ZBTB46: variants seen among roughly 807,000 people sequenced by gnomAD.
ZBTB46 encodes zinc finger and BTB domain containing 46.
ZBTB46 carries 8 observed loss-of-function variants against 44.1 expected under a neutral mutation model. That is an observed-to-expected ratio of 0.18 (90% CI 0.11 to 0.33). ZBTB46 has a LOEUF of 0.33. Ranked by LOEUF, ZBTB46 falls within the 10% of genes least tolerant of loss-of-function variation. The pLI is 1.00. For missense variants in ZBTB46, 651 were observed against 847.7 expected (o/e 0.77, Z 2.88); for synonymous variants, 409 against 382.3 (o/e 1.07, Z -0.81).
At chr20:63,781,984 G>A (rs537493095) in intron 2 of ZBTB46, among the ~76,000 whole-genome samples, 200 of 151,540 alleles carry the variant, frequency 1.3e-3, no homozygotes, top group African/African-American at 4.6e-3. Context: ...CTACTCAGGA[G>A]GCTGAGGCAG....
intron 1 of ZBTB46, among the ~76,000 whole-genome samples, chr20:63,797,754 T>C (rs1257879592): frequency 6.6e-6 from 1 of 152,260 alleles, no homozygotes; most frequent in African/African-American, 2.4e-5. Flanking sequence ...TCACGGCCAG[T>C]GATGATGAGC....
intron 1 of ZBTB46, among the ~76,000 whole-genome samples, chr20:63,815,849 AGTGCAG>A (rs1367923440): frequency 2.1e-5 from 2 of 95,444 alleles, no homozygotes; most frequent in Non-Finnish European, 4.0e-5. Flanking sequence ...AGGTGCAGTG[AGTGCAG>A]GTGCAGGTGG....
chr20:63,772,177 G>C (rs1187225066), intron 3 of ZBTB46, among the ~76,000 whole-genome samples: 2 of 152,000 alleles, frequency 1.3e-5, no homozygotes, highest in Admixed American at 1.3e-4. Flanking sequence ...TGTATTTTTA[G>C]TAGAGACAGG....
intron 1 of ZBTB46, among the ~76,000 whole-genome samples, chr20:63,824,550 G>T (rs1213778390): frequency 1.3e-5 from 2 of 152,068 alleles, no homozygotes; most frequent in African/African-American, 4.8e-5. Flanking sequence ...AAAGCTCAGG[G>T]TCTGCAGGAC....
intron 1 of ZBTB46, among the ~76,000 whole-genome samples, chr20:63,797,967 T>A (rs2092616100): frequency 6.6e-6 from 1 of 152,220 alleles, no homozygotes; most frequent in African/African-American, 2.4e-5. Context: ...TTCACTCTGA[T>A]GGTAGTTTCT....
chr20:63,815,147 C>T, intron 1 of ZBTB46: 1 of 224,616 alleles, frequency 4.5e-6, no homozygotes, highest in Non-Finnish European at 9.2e-6. Context: ...AGGCCGAGAG[C>T]CCAAGTCTGA....
At chr20:63,751,785 A>C (rs1601390888) in intron 4 of ZBTB46, among the ~76,000 whole-genome samples, 1 of 66,890 alleles carries the variant, frequency 1.5e-5, no homozygotes, top group African/African-American at 6.9e-5. Flanking sequence ...GGGTCTCCCC[A>C]TGAAGCCCCG....
At chr20:63,797,163 C>T (rs1437095068) in intron 1 of ZBTB46, among the ~76,000 whole-genome samples, 1 of 121,426 alleles carries the variant, frequency 8.2e-6, no homozygotes, top group Non-Finnish European at 1.7e-5. Flanking sequence ...CCCCCTCCCC[C>T]CACCCCACAA....
At chr20:63,764,201 C>T (rs1407105305) in intron 3 of ZBTB46, among the ~76,000 whole-genome samples, 1 of 152,154 alleles carries the variant, frequency 6.6e-6, no homozygotes, top group African/African-American at 2.4e-5. Flanking sequence ...CTTTGTGAGG[C>T]CAAGATGGGT....
Position 63,790,353 on chromosome 20 carries a change from C to T in ZBTB46, c.405G>A (p.Ser135=), listed in dbSNP as rs368567182. 24 of 1,613,094 alleles carry T rather than the reference C, an allele frequency of 1.5e-5. No homozygotes were observed. The highest frequency in any genetic ancestry group is 1.6e-4 in the Middle Eastern group (1 of 6,082). ...IKAALDISIK[S]DASDELAEFE... ...ACTCCGCAAGCTCATCTGAGGCGTC[C>T]GACTTGATGCTGATGTCCAGCGCCG... Residue 135 remains serine, a synonymous_variant, in exon 2 of 5, where the codon TCG becomes TCA. Coordinates refer to ENST00000245663, the MANE Select transcript of ZBTB46 (RefSeq NM_001369741.1).
At chr20:63,818,271 T>C (rs1178252204) in intron 1 of ZBTB46, among the ~76,000 whole-genome samples, 1 of 152,228 alleles carries the variant, frequency 6.6e-6, no homozygotes, top group African/African-American at 2.4e-5. Flanking sequence ...GGAAAGCACG[T>C]GGCAAAGCCA....
chr20:63,814,159 G>C (rs965339911), intron 1 of ZBTB46, among the ~76,000 whole-genome samples: 2 of 151,524 alleles, frequency 1.3e-5, no homozygotes, highest in Non-Finnish European at 2.9e-5. Flanking sequence ...CATGAACCCG[G>C]GAGGCAGAGC....
At chr20:63,806,340 G>C (rs2092681091) in intron 1 of ZBTB46, among the ~76,000 whole-genome samples, 2 of 148,604 alleles carry the variant, frequency 1.3e-5, no homozygotes, top group Non-Finnish European at 1.5e-5. Flanking sequence ...CCGAGAGGCA[G>C]AGGTTGCAGT....
At position 63,746,787 on chromosome 20, in the gene ZBTB46, T is replaced by G. The variant is rs2092093720; in HGVS notation, c.*143A>C. 5.3e-6 allele frequency: 7 copies of G among 1,317,320 alleles called. No homozygotes were observed. Among genetic ancestry groups the G allele is most frequent in the East Asian group, 5.5e-5 (2 of 36,372 alleles). 81.6% of individuals were successfully genotyped at this position (1,317,320 alleles called of 1,614,324 possible). A position where few individuals can be genotyped will look rare whatever the true frequency, so the allele number is the denominator to read the frequency against. ...CACCTGCTTAGCCCGCAGGGCTGGTTTCCGTGGGGGGTGGGTTCAGGGGGA... is the reference window on the plus strand; with the variant it reads ...CACCTGCTTAGCCCGCAGGGCTGGTGTCCGTGGGGGGTGGGTTCAGGGGGA... On this transcript the variant is annotated 3_prime_UTR_variant, in exon 5 of 5. Transcript: ENST00000245663.
At chr20:63,820,646 G>T (rs1244629152) in intron 1 of ZBTB46, among the ~76,000 whole-genome samples, 1 of 151,442 alleles carries the variant, frequency 6.6e-6, no homozygotes, top group Non-Finnish European at 1.5e-5. Flanking sequence ...TGGTCAGGCT[G>T]ATCTCGAACT....
chr20:63,752,587 G>C lies in ZBTB46; in HGVS notation c.1398+99C>G. The C allele has an allele frequency of 7.4e-7, 1 of 1,349,712 alleles. No homozygotes were observed. Among genetic ancestry groups the C allele is most frequent in the East Asian group, 2.8e-5 (1 of 36,220 alleles). The allele number at this position is 1,349,712 out of a possible 1,614,324, so 83.6% of individuals were successfully genotyped here. A position where few individuals can be genotyped will look rare whatever the true frequency, so the allele number is the denominator to read the frequency against. On this transcript the variant is annotated intron_variant, in intron 4 of 4. Transcript: ENST00000245663. The surrounding 1 kb of genome is among the most constrained non-coding windows in gnomAD (Gnocchi z 5.6). ...GTCCCCCCTGTGCAGAGTGGACCCG[G>C]TGTGGGGTCCGGGGCGGTCTGCGCC...
At chr20:63,777,793 T>C (rs2092437768) in intron 2 of ZBTB46, among the ~76,000 whole-genome samples, 1 of 151,986 alleles carries the variant, frequency 6.6e-6, no homozygotes. Context: ...ATCCCCACAA[T>C]GGAATATTAT....
intron 2 of ZBTB46, among the ~76,000 whole-genome samples, chr20:63,786,460 C>T (rs981864514): frequency 6.6e-6 from 1 of 152,218 alleles, no homozygotes; most frequent in East Asian, 1.9e-4. Flanking sequence ...CAACTCAGCC[C>T]GAGGCTGAGT....
At chr20:63,786,409 C>T (rs2092514768) in intron 2 of ZBTB46, among the ~76,000 whole-genome samples, 1 of 152,208 alleles carries the variant, frequency 6.6e-6, no homozygotes, top group South Asian at 2.1e-4. Flanking sequence ...ACGGCTGCTG[C>T]TAACATCCTG....
Sources: gnomAD v4.1 joint callset for allele counts (sites outside exome capture counted in the v4.1 genomes callset) on GRCh38, gnomAD v4.1.1 for gene constraint, Gnocchi (gnomAD v3.1) non-coding constraint, MANE v1.5 for transcripts, NCBI Gene and HGNC (gene_info 2026-07-23, HGNC 2026-07-21) for gene names.